Variants in GALNT2 observed in about 807,000 individuals in gnomAD.
The protein encoded by GALNT2 is polypeptide N-acetylgalactosaminyltransferase 2.
A neutral mutation model predicts 81.4 loss-of-function variants in GALNT2; 31 were observed. The observed-to-expected ratio is 0.38, with a 90% CI of 0.29 to 0.51. The LOEUF is 0.51. Among genes scored for constraint, GALNT2 ranks in the 20% least tolerant of loss-of-function variants. The pLI, the probability that GALNT2 is intolerant of heterozygous loss-of-function variation, is 0.87. For missense variants in GALNT2, 629 were observed against 765.7 expected (o/e 0.82, Z 2.11); for synonymous variants, 303 against 287.4 (o/e 1.05, Z -0.55).
At position 230,222,031 on chromosome 1, in the gene GALNT2, C is replaced by CTTT. The variant is rs564681409; in HGVS notation, c.375-13972_375-13970dup. 4.0e-4 allele frequency among the ~76,000 whole-genome samples: 38 copies of CTTT among 96,128 alleles called. 7 individuals carry two copies. Among genetic ancestry groups the CTTT allele is most frequent in the African/African-American group, 1.1e-3 (22 of 19,570 alleles). The allele number at this position is 96,128 out of a possible 152,430, so 63.1% of individuals were successfully genotyped here. ...TTTATATACATTTCACTGCTTTTCT[C>CTTT]TTTTTTTTTTTTTGAGACAGAGTCT... is the stretch of plus-strand genomic sequence containing the variant. On this transcript the variant is annotated intron_variant, in intron 3 of 15. Transcript: ENST00000366672.
chr1:230,253,048 A>G (rs1197959029), intron 10 of GALNT2, among the ~76,000 whole-genome samples: 1 of 151,808 alleles, frequency 6.6e-6, no homozygotes, highest in Non-Finnish European at 1.5e-5. Context: ...GGGTTTCTCC[A>G]TGTTGGTCAG....
At chr1:230,196,911 C>T (rs1337313369) in intron 2 of GALNT2, among the ~76,000 whole-genome samples, 1 of 152,086 alleles carries the variant, frequency 6.6e-6, no homozygotes, top group African/African-American at 2.4e-5. Flanking sequence ...GTTTCTCAGA[C>T]CCAGTACCGC....
chr1:230,101,304 C>G (rs1660395978), intron 1 of GALNT2, among the ~76,000 whole-genome samples: 1 of 152,176 alleles, frequency 6.6e-6, no homozygotes, highest in Admixed American at 6.5e-5. Flanking sequence ...CTGGCTTTTT[C>G]CATAAATGTT....
intron 1 of GALNT2, among the ~76,000 whole-genome samples, chr1:230,090,404 G>A (rs1337411910): frequency 6.6e-6 from 1 of 152,186 alleles, no homozygotes; most frequent in Non-Finnish European, 1.5e-5. Flanking sequence ...ACACAGCAGA[G>A]CCTGCTGCCC....
chr1:230,275,389 C>T lies in GALNT2; in HGVS notation c.1560+825C>T, dbSNP rs1666268922. On this transcript the variant is annotated intron_variant, in intron 15 of 15. Coordinates refer to ENST00000366672, the MANE Select transcript of GALNT2 (RefSeq NM_004481.5). The surrounding 1 kb of genome is among the most constrained non-coding windows in gnomAD (Gnocchi z 5.5). ...TACATCTATAAACACCACATGTATA[C>T]ACGCCACATATATACATATGTAAAC... Among the ~76,000 whole-genome samples, 1 of 150,594 alleles carries T rather than the reference C, an allele frequency of 6.6e-6. No homozygotes were observed.
At chr1:230,267,001 C>CAG (rs1553275570) in intron 14 of GALNT2, among the ~76,000 whole-genome samples, 2 of 149,376 alleles carry the variant, frequency 1.3e-5, no homozygotes, top group African/African-American at 2.4e-5. Context: ...CACACACACA[C>CAG]ACACACACAC....
intron 1 of GALNT2, among the ~76,000 whole-genome samples, chr1:230,150,692 G>A (rs775517755): frequency 2.0e-5 from 3 of 152,228 alleles, no homozygotes; most frequent in Admixed American, 6.5e-5. Flanking sequence ...TGGAGTGCCT[G>A]GCTCCTCATT....
intron 1 of GALNT2, among the ~76,000 whole-genome samples, chr1:230,174,413 T>C (rs1662892833): frequency 6.6e-6 from 1 of 152,174 alleles, no homozygotes; most frequent in Non-Finnish European, 1.5e-5. Flanking sequence ...TGTGCCTCCA[T>C]CTGTTTGCAG....
At chr1:230,261,824 TGTG>T (rs1003033399) in intron 11 of GALNT2, 8 of 152,126 alleles carry the variant, frequency 5.3e-5, no homozygotes, top group African/African-American at 1.9e-4. Flanking sequence ...TCCTGGCTAA[TGTG>T]GTGAAACCGT....
At chr1:230,099,802 G>T (rs897284507) in intron 1 of GALNT2, among the ~76,000 whole-genome samples, 1 of 152,186 alleles carries the variant, frequency 6.6e-6, no homozygotes, top group African/African-American at 2.4e-5. Context: ...AGTCCTTCCT[G>T]TGGGCTTGAT....
intron 1 of GALNT2, among the ~76,000 whole-genome samples, chr1:230,146,005 T>C (rs1661904942): frequency 6.6e-6 from 1 of 152,244 alleles, no homozygotes; most frequent in Admixed American, 6.5e-5. Flanking sequence ...GACCTGCTTC[T>C]GGTGTTCCTT....
intron 14 of GALNT2, among the ~76,000 whole-genome samples, chr1:230,266,957 T>C (rs543582095): frequency 6.6e-6 from 1 of 152,018 alleles, no homozygotes; most frequent in South Asian, 2.1e-4. Flanking sequence ...CCGACAGATA[T>C]GAGTGTGCTT....
intron 1 of GALNT2, among the ~76,000 whole-genome samples, chr1:230,105,731 A>C (rs1660525277): frequency 6.6e-6 from 1 of 152,194 alleles, no homozygotes; most frequent in African/African-American, 2.4e-5. Context: ...CTGTGTTTGC[A>C]TTCTCCATCA....
chr1:230,254,353 C>T (rs12035955), intron 10 of GALNT2, among the ~76,000 whole-genome samples: 4,536 of 152,274 alleles, frequency 0.03, 144 homozygotes, highest in East Asian at 0.16. Flanking sequence ...CATCTCATTC[C>T]TCCTGCCGGT....
At chr1:230,174,408 C>T (rs7532346) in intron 1 of GALNT2, among the ~76,000 whole-genome samples, 12,729 of 152,202 alleles carry the variant, frequency 0.084, 1,006 homozygotes, top group African/African-American at 0.21. Context: ...AGATTTGTGC[C>T]TCCATCTGTT....
At chr1:230,103,861 C>T (rs185721363) in intron 1 of GALNT2, among the ~76,000 whole-genome samples, 1 of 152,300 alleles carries the variant, frequency 6.6e-6, no homozygotes, top group East Asian at 1.9e-4. Flanking sequence ...CATTCCTCCC[C>T]TTCTCCTAGT....
At chr1:230,216,675 G>A (rs908328136) in intron 3 of GALNT2, among the ~76,000 whole-genome samples, 1 of 152,114 alleles carries the variant, frequency 6.6e-6, no homozygotes, top group African/African-American at 2.4e-5. Context: ...TGATCCTCTT[G>A]CCTTTACCTC....
Position 230,193,986 on chromosome 1 carries a change from G to A in GALNT2, c.221-9151G>A, listed in dbSNP as rs867694874. Among the ~76,000 whole-genome samples the A allele has an allele frequency of 6.6e-6, 1 of 152,192 alleles. No homozygotes were observed. The highest frequency in any genetic ancestry group is 1.5e-5 in the Non-Finnish European group (1 of 68,026). On this transcript the variant is annotated intron_variant, in intron 2 of 15. Transcript: ENST00000366672. This position sits in a 1 kb window ranked among gnomAD's most constrained non-coding sequence, Gnocchi z 4.3. ...GTCGCCAGCCACTCTCTGCTCAAGG[G>A]ACACTGTCCTGCTCTCCAGCCTCGA...
chr1:230,118,985 A>G (rs1161414137), intron 1 of GALNT2, among the ~76,000 whole-genome samples: 1 of 152,174 alleles, frequency 6.6e-6, no homozygotes, highest in African/African-American at 2.4e-5. Flanking sequence ...TTTTACCTAT[A>G]AATATTTTAG....
Sources: allele counts gnomAD v4.1 joint callset (sites outside exome capture counted in the v4.1 genomes callset), GRCh38; gene constraint gnomAD v4.1.1; non-coding constraint Gnocchi (gnomAD v3.1); transcripts MANE v1.5; gene names NCBI Gene and HGNC (gene_info 2026-07-23, HGNC 2026-07-21).